Variants in ALOX12B observed in about 807,000 individuals in gnomAD.
ALOX12B encodes the protein arachidonate 12-lipoxygenase, 12R type, also known as arachidonate 12-lipoxygenase, 12R-type.
In ALOX12B, 47 loss-of-function variants were observed where a neutral mutation model predicts 78.9. That is an observed-to-expected ratio of 0.60 (90% CI 0.47 to 0.76). ALOX12B has a LOEUF of 0.76. ALOX12B is among the 30% of genes least tolerant of loss of function. The pLI, the probability that ALOX12B is intolerant of heterozygous loss-of-function variation, is 0.00. For missense variants in ALOX12B, 805 were observed against 922.6 expected, an observed-to-expected ratio of 0.87 and a Z score of 1.65; for synonymous variants, 370 against 374.5, an observed-to-expected ratio of 0.99 and a Z score of 0.14.
chr17:8,080,070 T>G lies in ALOX12B; in HGVS notation c.755-129A>C, dbSNP rs773755143. The G allele has an allele frequency of 2.0e-6, 3 of 1,504,854 alleles. No homozygotes were observed. In the South Asian group the frequency reaches 3.5e-5, roughly 17 times the overall value. 93.2% of individuals were successfully genotyped at this position (1,504,854 alleles called of 1,614,324 possible). On this transcript the variant is annotated intron_variant, in intron 6 of 14. Coordinates refer to ENST00000647874, the MANE Select transcript of ALOX12B (RefSeq NM_001139.3). This position sits in a 1 kb window ranked among gnomAD's most constrained non-coding sequence, Gnocchi z 4.8. Reference sequence around the variant, plus strand: ...GAAAACGAGGCCCCCAGCCTGGCGCTGAGCGGCCGGAGGAGCCCGGTGCGA... The same window carrying G: ...GAAAACGAGGCCCCCAGCCTGGCGCGGAGCGGCCGGAGGAGCCCGGTGCGA...
chr17:8,077,966 C>A (rs535656455), intron 8 of ALOX12B, among the ~76,000 whole-genome samples: 1 of 152,260 alleles, frequency 6.6e-6, no homozygotes, highest in African/African-American at 2.4e-5. Flanking sequence ...GGAAAATATT[C>A]TGGGAGAAAA....
In ALOX12B at chr17:8,079,778, C is replaced by T; in HGVS notation, c.918G>A (p.Ala306=). 1.4e-5 allele frequency: 23 copies of T among 1,612,266 alleles called. No homozygotes were observed. The highest frequency in any genetic ancestry group is 1.9e-5 in the Non-Finnish European group (23 of 1,179,670). ...PFLGEGTCLQ[A]ELEKGNIYLA... is the part of the protein sequence containing the mutation. Reference sequence around the variant, plus strand: ...CCGGAGCGGGCCTCACCTCCAGCTCCGCTTGCAAGCACGTTCCCTCGCCCA... The same window carrying T: ...CCGGAGCGGGCCTCACCTCCAGCTCTGCTTGCAAGCACGTTCCCTCGCCCA... Residue 306 remains alanine (A), a synonymous_variant, in exon 7 of 15, where the codon GCG becomes GCA. Transcript: ENST00000647874. The surrounding 1 kb of genome is among the most constrained non-coding windows in gnomAD (Gnocchi z 6.4).
At chr17:8,077,304 A>C in intron 8 of ALOX12B, 111 bp from the exon 9 acceptor site, 1 of 1,114,946 alleles carries the variant, frequency 9.0e-7, no homozygotes, top group Non-Finnish European at 1.3e-6. Flanking sequence ...AACACTCCTA[A>C]GCTCCGGTCC....
intron 2 of ALOX12B, among the ~76,000 whole-genome samples, chr17:8,082,677 T>C (rs1977240859): frequency 1.3e-5 from 2 of 152,222 alleles, no homozygotes; most frequent in African/African-American, 4.8e-5. Context: ...TCTAAGTGAC[T>C]GTACTCAATA....
chr17:8,080,589 C>A lies in ALOX12B; in HGVS notation c.650+69G>T. 1.9e-6 allele frequency: 3 copies of A among 1,610,918 alleles called. No individual in the cohort carries two copies. In the African/African-American group the frequency reaches 4.0e-5, roughly 21 times the overall value. ...CAACCTCTGGGGCTGTCTTGGAGGC[C>A]GCCAAGGTTGGGGGAGAGGGAAAGT... On this transcript the variant is annotated intron_variant, in intron 5 of 14. Transcript: ENST00000647874. This position sits in a 1 kb window ranked among gnomAD's most constrained non-coding sequence, Gnocchi z 4.8.
Position 8,079,865 on chromosome 17 carries a change from G to A in ALOX12B, c.831C>T (p.Ile277=), listed in dbSNP as rs146734511. The A allele has an allele frequency of 8.7e-6, 14 of 1,613,398 alleles. No individual in the cohort carries two copies. In the Admixed American group the frequency reaches 1.8e-4, roughly 21 times the overall value. Residue 277 remains isoleucine (I), a synonymous_variant, in exon 7 of 15, where the codon ATC becomes ATT. Transcript: ENST00000647874. The surrounding 1 kb of genome is among the most constrained non-coding windows in gnomAD (Gnocchi z 6.4). ...TGTCTGGGATCCGCGTGCAGCGGCG[G>A]ATCAGGCCGGGGTTGACGCCGTTGA... is the stretch of plus-strand genomic sequence containing the variant. ...QYLNGVNPGL[I]RRCTRIPDKF... is the part of the protein sequence containing the mutation.
At chr17:8,077,272 G>T in intron 8 of ALOX12B, 79 bp from the exon 9 acceptor site, 1 of 1,413,460 alleles carries the variant, frequency 7.1e-7, no homozygotes, top group Non-Finnish European at 9.8e-7. Flanking sequence ...GAAGGAGGCA[G>T]AAGGGAGTAT....
At chr17:8,083,693 C>G (rs376682771) in intron 2 of ALOX12B, among the ~76,000 whole-genome samples, 1 of 151,668 alleles carries the variant, frequency 6.6e-6, no homozygotes. Flanking sequence ...CATGCCACTG[C>G]ACTCCAGCCT....
chr17:8,076,753 G>T lies in ALOX12B; in HGVS notation c.1276-10C>A, dbSNP rs1426075858. 1.2e-5 allele frequency: 18 copies of T among 1,549,648 alleles called. No homozygotes were observed. The East Asian group carries it at 4.4e-4, about 38-fold the overall frequency. On this transcript the variant is annotated splice_polypyrimidine_tract_variant and intron_variant, in intron 9 of 14. Coordinates refer to ENST00000647874, the MANE Select transcript of ALOX12B (RefSeq NM_001139.3). ...TATGGGGGATGAGGAGCTGTGGGGAGAGCAAGGAGGATGAAGAGAGAGGGC... is the reference window on the plus strand; with the variant it reads ...TATGGGGGATGAGGAGCTGTGGGGATAGCAAGGAGGATGAAGAGAGAGGGC...
In ALOX12B at chr17:8,076,657, C is replaced by T; in HGVS notation, c.1362G>A (p.Lys454=). ...VLLNEGGLSA[K]GMSLGVEGFA... ...TTGGGGTTGGGGGCAGAAGTCTTAC[C>T]TTGGCAGAGAGCCCCCCCTCATTGA... The change falls in exon 10 of 15, where the codon AAG becomes AAA. Residue 454 remains lysine (K), a splice_region_variant and synonymous_variant. Coordinates refer to ENST00000647874, the MANE Select transcript of ALOX12B (RefSeq NM_001139.3). 1 of 1,551,314 alleles carries T rather than the reference C, an allele frequency of 6.4e-7. No individual in the cohort carries two copies. Among genetic ancestry groups the T allele is most frequent in the Non-Finnish European group, 8.7e-7 (1 of 1,146,830 alleles).
Position 8,087,589 on chromosome 17 carries a change from G to T in ALOX12B, c.-147C>A. The T allele has an allele frequency of 7.3e-7, 1 of 1,371,100 alleles. No individual in the cohort carries two copies. Among genetic ancestry groups the T allele is most frequent in the Non-Finnish European group, 1.0e-6 (1 of 994,630 alleles). The allele number at this position is 1,371,100 out of a possible 1,614,324, so 84.9% of individuals were successfully genotyped here. On this transcript the variant is annotated 5_prime_UTR_variant, in exon 1 of 15. Coordinates refer to ENST00000647874, the MANE Select transcript of ALOX12B (RefSeq NM_001139.3). ...GGTGCAGTGGTGAGGTGGCGAGGTG[G>T]GGTGACTAGGCCTGCCAGCCAAATT...
chr17:8,079,031 G>A lies in ALOX12B; in HGVS notation c.1071+365C>T, dbSNP rs1300280969. ...TCCTGCCTCAGCCTCCCGAGTAGCT[G>A]GGACTACAGGCGCCCGCCACCACGC... On this transcript the variant is annotated intron_variant, in intron 8 of 14. Coordinates refer to ENST00000647874, the MANE Select transcript of ALOX12B (RefSeq NM_001139.3). The surrounding 1 kb of genome is among the most constrained non-coding windows in gnomAD (Gnocchi z 6.4). 6.6e-6 allele frequency among the ~76,000 whole-genome samples: 1 copy of A among 151,882 alleles called. No individual in the cohort carries two copies. The highest frequency in any genetic ancestry group is 1.5e-5 in the Non-Finnish European group (1 of 68,014).
In ALOX12B at chr17:8,081,197, G is replaced by T. The variant is rs371139035; in HGVS notation, c.353-10C>A. On this transcript the variant is annotated splice_polypyrimidine_tract_variant and intron_variant, in intron 2 of 14. Coordinates refer to ENST00000647874, the MANE Select transcript of ALOX12B (RefSeq NM_001139.3). ...TCTGCTGTTGTCTTTCCTGTAGGGA[G>T]ACCAAGGAGAGGACTCAAGGGCTGA... The T allele has an allele frequency of 3.1e-6, 5 of 1,613,564 alleles. No homozygotes were observed. The highest frequency in any genetic ancestry group is 4.2e-6 in the Non-Finnish European group (5 of 1,179,736).
At chr17:8,083,881 G>A (rs995226898) in intron 2 of ALOX12B, among the ~76,000 whole-genome samples, 7 of 150,488 alleles carry the variant, frequency 4.7e-5, no homozygotes, top group African/African-American at 1.2e-4. Context: ...AAATGTGGCC[G>A]GGTGCGGTGG....
chr17:8,086,011 C>A lies in ALOX12B; in HGVS notation c.352+5G>T. The A allele has an allele frequency of 6.2e-7, 1 of 1,614,050 alleles. No individual in the cohort carries two copies. Among genetic ancestry groups the A allele is most frequent in the Non-Finnish European group, 8.5e-7 (1 of 1,179,946 alleles). On this transcript the variant is annotated splice_donor_5th_base_variant and intron_variant, in intron 2 of 14. Transcript: ENST00000647874. ...ATAGGATGGAGCAGGGTGATGAGGG[C>A]TTACCTGTGGCCTCCCGGAGTGCCA...
chr17:8,077,258 G>C, intron 8 of ALOX12B, 65 bp from the exon 9 acceptor site: 1 of 1,480,012 alleles, frequency 6.8e-7, no homozygotes. Context: ...AGGCCCCACC[G>C]CAGGAAGGAG....
chr17:8,079,654 A>C lies in ALOX12B; in HGVS notation c.927+115T>G. 2.0e-6 allele frequency: 3 copies of C among 1,533,556 alleles called. No homozygotes were observed. The highest frequency in any genetic ancestry group is 4.9e-5 in the East Asian group (2 of 40,644). The allele number at this position is 1,533,556 out of a possible 1,614,324, so 95.0% of individuals were successfully genotyped here. A position where few individuals can be genotyped will look rare whatever the true frequency, so the allele number is the denominator to read the frequency against. The stretch of plus-strand genomic sequence containing the variant: ...GGGCAGGGGTGGGACGGGGACAGGG[A>C]CGCGGGGTGCGGGCTTGCCTGGGAC... On this transcript the variant is annotated intron_variant, in intron 7 of 14. Transcript: ENST00000647874. The surrounding 1 kb of genome is among the most constrained non-coding windows in gnomAD (Gnocchi z 6.4).
intron 2 of ALOX12B, chr17:8,081,503 A>C (rs1977217287): frequency 2.3e-6 from 1 of 440,498 alleles, no homozygotes; most frequent in Non-Finnish European, 4.4e-6. Flanking sequence ...TGTTACATGC[A>C]TAGTGGCCAA....
intron 10 of ALOX12B, 81 bp from the exon 11 acceptor site, chr17:8,076,425 C>T: frequency 2.0e-6 from 3 of 1,502,510 alleles, no homozygotes; most frequent in Non-Finnish European, 2.7e-6. Context: ...CAGTAAGTGC[C>T]CCTGTAACCC....
Sources: allele counts gnomAD v4.1 joint callset (sites outside exome capture counted in the v4.1 genomes callset), GRCh38; gene constraint gnomAD v4.1.1; non-coding constraint Gnocchi (gnomAD v3.1); transcripts MANE v1.5; gene names NCBI Gene and HGNC (gene_info 2026-07-23, HGNC 2026-07-21).